Variants in DGKH observed in about 807,000 individuals in gnomAD.
DGKH encodes the protein DAG kinase eta.
In DGKH, 90 loss-of-function variants were observed where a neutral mutation model predicts 159.3. The ratio of observed to expected loss-of-function variants is 0.57; its 90% confidence interval spans 0.48 to 0.67. The LOEUF (loss-of-function observed/expected upper bound fraction) is 0.67, where lower values mean the gene tolerates loss of function less well. DGKH is among the 30% of genes least tolerant of loss of function. The pLI, the probability that DGKH is intolerant of heterozygous loss-of-function variation, is 0.00. For synonymous variants in DGKH, 536 were observed against 553.8 expected (o/e 0.97, Z 0.45); for missense variants, 1,181 against 1,506.1 (o/e 0.78, Z 3.57).
chr13:42,129,141 G>A (rs1458032935), intron 2 of DGKH, among the ~76,000 whole-genome samples: 1 of 152,226 alleles, frequency 6.6e-6, no homozygotes, highest in South Asian at 2.1e-4. Context: ...TGTGAGCTAA[G>A]CCAGGACTGG....
At position 42,053,597 on chromosome 13, in the gene DGKH, T is replaced by G. The variant is rs557387353; in HGVS notation, c.192+4632T>G. 7.2e-5 allele frequency among the ~76,000 whole-genome samples: 7 copies of G among 97,290 alleles called. No homozygotes were observed. In the East Asian group the frequency reaches 1.4e-3, roughly 19 times the overall value. The allele number at this position is 97,290 out of a possible 152,430, so 63.8% of individuals were successfully genotyped here. ...ATATGTATATATATAACTATATATA[T>G]GTATATATATAACTATATATGTATA... On this transcript the variant is annotated intron_variant, in intron 1 of 29. Coordinates refer to ENST00000337343, the MANE Select transcript of DGKH (RefSeq NM_178009.5).
At chr13:42,044,096 G>C (rs67733486), upstream of DGKH, 23,677 of 152,200 alleles carry the variant, frequency 0.16, 2,077 homozygotes, top group Non-Finnish European at 0.21. Flanking sequence ...GGGCTCAAGC[G>C]ATCTGCCCAC....
chr13:42,171,625 C>T (rs1472090684), intron 11 of DGKH, among the ~76,000 whole-genome samples: 3 of 152,148 alleles, frequency 2.0e-5, no homozygotes, highest in Non-Finnish European at 2.9e-5. Context: ...TATGTTTCTA[C>T]TCGTGGTTTT....
chr13:42,075,198 A>G lies in DGKH; in HGVS notation c.192+26233A>G, dbSNP rs932383431. Among the ~76,000 whole-genome samples the G allele has an allele frequency of 2.6e-5, 4 of 152,080 alleles. 1 individual carries two copies. The highest frequency in any genetic ancestry group is 4.4e-5 in the Non-Finnish European group (3 of 68,006). On this transcript the variant is annotated intron_variant, in intron 1 of 29. Transcript: ENST00000337343. ...TTTCCTGTGTTAGTCGTGTTTCTGC[A>G]GTTTGTTAAATTCATGTGTACATTT...
At chr13:42,062,797 A>G (rs1184688432) in intron 1 of DGKH, among the ~76,000 whole-genome samples, 1 of 152,244 alleles carries the variant, frequency 6.6e-6, no homozygotes, top group Non-Finnish European at 1.5e-5. Flanking sequence ...ATTTTTGAAG[A>G]TTGAATAAAT....
chr13:42,197,267 A>AAAAAAAG (rs922365530), intron 17 of DGKH, among the ~76,000 whole-genome samples: 10,970 of 134,434 alleles, frequency 0.082, 1,076 homozygotes, highest in East Asian at 0.32. Context: ...AAAAAAAAAA[A>AAAAAAAG]AAAGAAAGAA....
intron 29 of DGKH, among the ~76,000 whole-genome samples, chr13:42,249,706 T>A (rs1214422969): frequency 6.6e-6 from 1 of 152,240 alleles, no homozygotes; most frequent in Non-Finnish European, 1.5e-5. Flanking sequence ...TAATAGGTCA[T>A]AGCCCACAGT....
At chr13:42,142,937 AATAG>A (rs1367376207) in intron 3 of DGKH, among the ~76,000 whole-genome samples, 1 of 152,130 alleles carries the variant, frequency 6.6e-6, no homozygotes, top group Non-Finnish European at 1.5e-5. Context: ...CACTGTGTTG[AATAG>A]GAGTGGTGAG....
At chr13:42,084,987 G>T (rs1287558638) in intron 1 of DGKH, among the ~76,000 whole-genome samples, 1 of 151,412 alleles carries the variant, frequency 6.6e-6, no homozygotes, top group Non-Finnish European at 1.5e-5. Flanking sequence ...TTTTGCTCAT[G>T]ATACTTTACA....
At chr13:42,107,733 A>G (rs927550525) in intron 1 of DGKH, among the ~76,000 whole-genome samples, 1 of 151,984 alleles carries the variant, frequency 6.6e-6, no homozygotes, top group African/African-American at 2.4e-5. Flanking sequence ...AACTGCAAGG[A>G]CAGATCGTAG....
chr13:42,181,276 C>CA (rs34220072), intron 13 of DGKH, among the ~76,000 whole-genome samples: 1,016 of 80,994 alleles, frequency 0.013, 35 homozygotes, highest in African/African-American at 0.025. Context: ...GACTCTGTCT[C>CA]AAAAAAAAAA....
chr13:42,184,432 T>G (rs1956856127), intron 13 of DGKH, among the ~76,000 whole-genome samples: 1 of 152,170 alleles, frequency 6.6e-6, no homozygotes, highest in South Asian at 2.1e-4. Context: ...ATAGTAGAGA[T>G]GATAGTGGAA....
chr13:42,236,544 C>T lies in DGKH; in HGVS notation c.*7356C>T, dbSNP rs985268880. 1 of 152,142 alleles carries T rather than the reference C, an allele frequency of 6.6e-6. No homozygotes were observed. Among genetic ancestry groups the T allele is most frequent in the Non-Finnish European group, 1.5e-5 (1 of 68,016 alleles). The allele number at this position is 152,142 out of a possible 1,614,324, so 9.4% of individuals were successfully genotyped here. A position where few individuals can be genotyped will look rare whatever the true frequency, so the allele number is the denominator to read the frequency against. ...TATGTATTTTATCTTCATGTCACAA[C>T]TTATTTTCTGTAGCCAATTCTCAGT... On this transcript the variant is annotated 3_prime_UTR_variant, in exon 30 of 30. Transcript: ENST00000337343.
chr13:42,083,118 G>A (rs1332609411), intron 1 of DGKH, among the ~76,000 whole-genome samples: 1 of 152,136 alleles, frequency 6.6e-6, no homozygotes, highest in Non-Finnish European at 1.5e-5. Flanking sequence ...AGGTCATGAG[G>A]ATTTTAAAAG....
chr13:42,195,362 T>G (rs9594698), intron 17 of DGKH, among the ~76,000 whole-genome samples: 34,116 of 151,924 alleles, frequency 0.22, 4,491 homozygotes, highest in Admixed American at 0.29. Context: ...ATTAGCTAAG[T>G]GTAGTGGTAC....
intron 29 of DGKH, among the ~76,000 whole-genome samples, chr13:42,227,998 CA>C (rs1436182380): frequency 6.6e-6 from 1 of 152,044 alleles, no homozygotes; most frequent in Non-Finnish European, 1.5e-5. Flanking sequence ...TCAAATATTT[CA>C]ATTTTTTTGG....
intron 1 of DGKH, among the ~76,000 whole-genome samples, chr13:42,095,329 A>AT (rs933580825): frequency 1.3e-5 from 2 of 151,374 alleles, no homozygotes; most frequent in South Asian, 4.2e-4. Context: ...TGCCTGGCTA[A>AT]TTTTTTTATT....
chr13:42,097,320 AT>A (rs1403174086), intron 1 of DGKH, among the ~76,000 whole-genome samples: 1 of 151,662 alleles, frequency 6.6e-6, no homozygotes, highest in African/African-American at 2.4e-5. Flanking sequence ...TATCTCCCCC[AT>A]TTTTCATCTT....
Position 42,069,842 on chromosome 13 carries a change from T to G in DGKH, c.192+20877T>G, listed in dbSNP as rs746526498. ...TGCCAACAAGGCTCAGCAGAGTAAT[T>G]GGTATGGAAAGCAGGATCCCCCAGA... On this transcript the variant is annotated intron_variant, in intron 1 of 29. Transcript: ENST00000337343. 5.7e-5 allele frequency: 50 copies of G among 879,840 alleles called. 1 individual carries two copies. Among genetic ancestry groups the G allele is most frequent in the Non-Finnish European group, 8.9e-5 (50 of 559,518 alleles). The allele number at this position is 879,840 out of a possible 1,614,324, so 54.5% of individuals were successfully genotyped here. A position where few individuals can be genotyped will look rare whatever the true frequency, so the allele number is the denominator to read the frequency against.
Sources: gnomAD v4.1 joint callset for allele counts (sites outside exome capture counted in the v4.1 genomes callset) on GRCh38, gnomAD v4.1.1 for gene constraint, MANE v1.5 for transcripts, NCBI Gene and HGNC (gene_info 2026-07-23, HGNC 2026-07-21) for gene names.